The following DAB2IP variants were observed in gnomAD, a reference collection of about 807,000 sequenced individuals.
DAB2IP encodes the protein DAB2 interacting protein.
Under a neutral mutation model 107.2 loss-of-function variants are expected in DAB2IP, and 28 were observed. That is an observed-to-expected ratio of 0.26 (90% CI 0.19 to 0.36). DAB2IP has a LOEUF of 0.36. DAB2IP is among the 10% of genes least tolerant of loss of function. The pLI, the probability that DAB2IP is intolerant of heterozygous loss-of-function variation, is 1.00. For synonymous variants in DAB2IP, 755 were observed against 706.4 expected (o/e 1.07, Z -1.09); for missense variants, 1,400 against 1,644.7 (o/e 0.85, Z 2.57).
chr9:121,703,041 T>C (rs1254919663), intron 3 of DAB2IP, among the ~76,000 whole-genome samples: 1 of 152,128 alleles, frequency 6.6e-6, no homozygotes, highest in East Asian at 1.9e-4. Context: ...GATTCCCCCT[T>C]CCAGAGTATG....
In DAB2IP at chr9:121,776,286, C is replaced by T. The variant is rs755104686; in HGVS notation, c.3209C>T (p.Thr1070Met). ...CTGTTCAAGTGCCAGGAGGAGACGA[C>T]GCAGAAGCTGGTGCTGGAGTACCAG... is the stretch of plus-strand genomic sequence containing the variant. The change falls in exon 14 of 16, where the codon ACG becomes ATG. Residue 1070 changes from threonine to methionine, a missense_variant. Thr to Met is a moderately conservative substitution (Grantham distance 81). This residue lies in a region of DAB2IP where 600 missense variants were observed against 659.1 expected (regional missense o/e 0.91). Transcript: ENST00000408936. This position sits in a 1 kb window ranked among gnomAD's most constrained non-coding sequence, Gnocchi z 5.4. The T allele has an allele frequency of 7.0e-6, 11 of 1,580,284 alleles. No homozygotes were observed. Among genetic ancestry groups the T allele is most frequent in the Middle Eastern group, 3.3e-4 (2 of 6,050 alleles).
At chr9:121,573,389 G>GT (rs1454239811) in intron 1 of DAB2IP, among the ~76,000 whole-genome samples, 1 of 150,858 alleles carries the variant, frequency 6.6e-6, no homozygotes, top group East Asian at 2.0e-4. Flanking sequence ...TTTTTGTTTT[G>GT]TTTTTTGTTT....
intron 9 of DAB2IP, among the ~76,000 whole-genome samples, chr9:121,766,974 A>AT (rs1241427952): frequency 6.6e-6 from 1 of 152,128 alleles, no homozygotes. Flanking sequence ...GACATGAGAC[A>AT]TTTTTTTCCT....
intron 3 of DAB2IP, among the ~76,000 whole-genome samples, chr9:121,738,193 G>A (rs1832063889): frequency 6.6e-6 from 1 of 152,288 alleles, no homozygotes; most frequent in African/African-American, 2.4e-5. Context: ...TGTGAGGAAC[G>A]GGCCTTGACC....
At position 121,718,375 on chromosome 9, in the gene DAB2IP, C is replaced by T. The variant is rs868678928; in HGVS notation, c.362+18917C>T. ...ACCCCCATGTGTGGGTGAGGTCACG[C>T]CCAAGGGATGTCATCAACATACGCT... On this transcript the variant is annotated intron_variant, in intron 3 of 15. Transcript: ENST00000408936. 3.2e-4 allele frequency among the ~76,000 whole-genome samples: 48 copies of T among 152,306 alleles called. 1 individual carries two copies. Among genetic ancestry groups the T allele is most frequent in the Non-Finnish European group, 2.4e-4 (16 of 68,038 alleles).
chr9:121,681,461 C>T (rs996165177), intron 2 of DAB2IP, among the ~76,000 whole-genome samples: 1 of 152,164 alleles, frequency 6.6e-6, no homozygotes, highest in African/African-American at 2.4e-5. Context: ...GCCTTGGGAA[C>T]CTCGAGCTGC....
chr9:121,567,188 C>T, exon 1 of DAB2IP: 1 of 1,614,012 alleles, frequency 6.2e-7, no homozygotes. Flanking sequence ...GCCCACACGC[C>T]ATGGAGCCCG....
chr9:121,606,223 G>C (rs560449), intron 1 of DAB2IP, among the ~76,000 whole-genome samples: 54,298 of 151,922 alleles, frequency 0.36, 10,795 homozygotes, highest in African/African-American at 0.51. Flanking sequence ...AATTAGCCAG[G>C]TGTGGTGGTG....
At position 121,763,884 on chromosome 9, in the gene DAB2IP, G is replaced by T; in HGVS notation, c.1460+5G>T. 1 of 1,613,472 alleles carries T rather than the reference G, an allele frequency of 6.2e-7. No individual in the cohort carries two copies. Among genetic ancestry groups the T allele is most frequent in the Non-Finnish European group, 8.5e-7 (1 of 1,179,610 alleles). Reference sequence around the variant, plus strand: ...CAAGATCATCAACTCCTACTGGTCAGTGCGGTGCCCAGGTCTCCCCACCCT... The same window carrying T: ...CAAGATCATCAACTCCTACTGGTCATTGCGGTGCCCAGGTCTCCCCACCCT... On this transcript the variant is annotated splice_donor_5th_base_variant and intron_variant, in intron 8 of 15. Transcript: ENST00000408936.
upstream of DAB2IP, among the ~76,000 whole-genome samples, chr9:121,647,404 A>G (rs1338143709): frequency 6.6e-6 from 1 of 152,032 alleles, no homozygotes; most frequent in African/African-American, 2.4e-5. Flanking sequence ...ACTGACTTCA[A>G]CCCTGACACC....
At chr9:121,720,458 C>T (rs1830861899) in intron 3 of DAB2IP, among the ~76,000 whole-genome samples, 2 of 152,214 alleles carry the variant, frequency 1.3e-5, no homozygotes, top group South Asian at 4.1e-4. Flanking sequence ...CTCCCAGTCC[C>T]CTTAGGAGTC....
In DAB2IP at chr9:121,760,747, G is replaced by T. The variant is rs527649267; in HGVS notation, c.1170+308G>T. On this transcript the variant is annotated intron_variant, in intron 6 of 15. Transcript: ENST00000408936. This position sits in a 1 kb window ranked among gnomAD's most constrained non-coding sequence, Gnocchi z 5.9. Reference sequence around the variant, plus strand: ...GAGGACCGACCCCCTGAGGCGCCAGGGGAACAGGCTGGGTGGCCACGGCTC... The same window carrying T: ...GAGGACCGACCCCCTGAGGCGCCAGTGGAACAGGCTGGGTGGCCACGGCTC... Among the ~76,000 whole-genome samples the T allele has an allele frequency of 6.6e-5, 10 of 152,244 alleles. No individual in the cohort carries two copies. In the East Asian group the frequency reaches 1.2e-3, roughly 18 times the overall value.
At chr9:121,606,593 A>G (rs1347973089) in intron 1 of DAB2IP, among the ~76,000 whole-genome samples, 1 of 151,988 alleles carries the variant, frequency 6.6e-6, no homozygotes, top group Non-Finnish European at 1.5e-5. Context: ...CAGGGCTCAG[A>G]GTGGCTGTTG....
intron 3 of DAB2IP, among the ~76,000 whole-genome samples, chr9:121,746,655 A>C (rs1310014941): frequency 6.6e-6 from 1 of 152,156 alleles, no homozygotes; most frequent in Admixed American, 6.5e-5. Flanking sequence ...CTGCCCCCGC[A>C]TTCTAGGGGG....
chr9:121,567,848 T>G (rs1469848392), intron 1 of DAB2IP, among the ~76,000 whole-genome samples: 2 of 152,146 alleles, frequency 1.3e-5, no homozygotes, highest in African/African-American at 4.8e-5. Context: ...TCTGCAGGCC[T>G]GGGGCTCCAG....
At chr9:121,575,034 G>A (rs1830025196) in intron 1 of DAB2IP, 1 of 152,724 alleles carries the variant, frequency 6.5e-6, no homozygotes, top group African/African-American at 2.4e-5. Flanking sequence ...GGCTGGTGAG[G>A]AGGGAGCCCC....
chr9:121,678,007 A>G lies in DAB2IP; in HGVS notation c.125-671A>G, dbSNP rs561576502. Among the ~76,000 whole-genome samples the G allele has an allele frequency of 6.0e-4, 91 of 152,234 alleles. 2 individuals are homozygous for G. The highest frequency in any genetic ancestry group is 1.3e-4 in the Non-Finnish European group (9 of 68,038). On this transcript the variant is annotated intron_variant, in intron 1 of 15. Coordinates refer to ENST00000408936, the Ensembl canonical transcript of DAB2IP. ...AATTGCGATAAAATATGTAAAACAT[A>G]AAAGTTATCATTTTAACTAGTTTTA...
Position 121,760,864 on chromosome 9 carries a change from C to T in DAB2IP, c.1170+425C>T, listed in dbSNP as rs571655249. On this transcript the variant is annotated intron_variant, in intron 6 of 15. Transcript: ENST00000408936. This position sits in a 1 kb window ranked among gnomAD's most constrained non-coding sequence, Gnocchi z 5.9. ...TGGAGTTCGGCAGACCTCCCCAGCA[C>T]GATGCACAGATGAGCCTCCCTCACA... 8.5e-5 allele frequency among the ~76,000 whole-genome samples: 13 copies of T among 152,326 alleles called. No homozygotes were observed. The South Asian group carries it at 2.5e-3, about 29-fold the overall frequency.
At position 121,722,381 on chromosome 9, in the gene DAB2IP, G is replaced by A. The variant is rs570584266; in HGVS notation, c.362+22923G>A. On this transcript the variant is annotated intron_variant, in intron 3 of 15. Transcript: ENST00000408936. Reference sequence around the variant, plus strand: ...AACGGCTCTGGCCAAAGCCTGTTTGGGTGTCTTCCTGTTCGGGGCCTGCAG... The same window carrying A: ...AACGGCTCTGGCCAAAGCCTGTTTGAGTGTCTTCCTGTTCGGGGCCTGCAG... Among the ~76,000 whole-genome samples, 30 of 152,220 alleles carry A rather than the reference G, an allele frequency of 2.0e-4. No individual in the cohort carries two copies. The South Asian group carries it at 2.1e-3, about 11-fold the overall frequency.
Sources: gnomAD v4.1 joint callset for allele counts (sites outside exome capture counted in the v4.1 genomes callset) on GRCh38, gnomAD v4.1.1 for gene constraint, gnomAD v4.1.1 regional missense constraint, Gnocchi (gnomAD v3.1) non-coding constraint, MANE v1.5 for transcripts, NCBI Gene and HGNC (gene_info 2026-07-23, HGNC 2026-07-21) for gene names.